Variants in SCHIP1 observed in about 807,000 individuals in gnomAD.
SCHIP1 encodes schwannomin-interacting protein 1.
A neutral mutation model predicts 29.7 loss-of-function variants in SCHIP1; 8 were observed. That is an observed-to-expected ratio of 0.27 (90% CI 0.16 to 0.49). SCHIP1 has a LOEUF of 0.49. SCHIP1 is among the 20% of genes least tolerant of loss of function. The pLI, the probability that SCHIP1 is intolerant of heterozygous loss-of-function variation, is 0.99. For synonymous variants in SCHIP1, 76 were observed against 94.9 expected (o/e 0.80, Z 1.16); for missense variants, 193 against 294.6 (o/e 0.66, Z 2.52).
the SCHIP1 span, among the ~76,000 whole-genome samples, chr3:159,727,372 G>A: frequency 5.9e-5 from 9 of 152,062 alleles, no homozygotes; most frequent in South Asian, 2.1e-4. Context: ...AGTTCCATGA[G>A]TATTATGATT....
At chr3:159,520,535 G>A in the SCHIP1 span, among the ~76,000 whole-genome samples, 1 of 152,162 alleles carries the variant, frequency 6.6e-6, no homozygotes, top group South Asian at 2.1e-4. Flanking sequence ...AATCTATAAA[G>A]TTCTGCCTTC....
the SCHIP1 span, among the ~76,000 whole-genome samples, chr3:159,796,576 T>G: frequency 6.6e-6 from 1 of 152,160 alleles, no homozygotes; most frequent in Non-Finnish European, 1.5e-5. Context: ...GAGAAAGCCA[T>G]CTGCTTAGCT....
chr3:159,771,440 T>C, the SCHIP1 span, among the ~76,000 whole-genome samples: 1 of 152,264 alleles, frequency 6.6e-6, no homozygotes, highest in African/African-American at 2.4e-5. Flanking sequence ...CTATCACTTA[T>C]TCCTGTTAGT....
At chr3:159,590,373 C>T in the SCHIP1 span, among the ~76,000 whole-genome samples, 3 of 152,036 alleles carry the variant, frequency 2.0e-5, no homozygotes, top group East Asian at 1.9e-4. Context: ...GTCAGGAGTT[C>T]GAGACCAGCC....
chr3:159,821,223 T>G, the SCHIP1 span, among the ~76,000 whole-genome samples: 576 of 152,220 alleles, frequency 3.8e-3, 2 homozygotes, highest in African/African-American at 0.013. Context: ...AAAAGCCTGA[T>G]TGGAAAGTGT....
chr3:159,736,246 G>A, the SCHIP1 span, among the ~76,000 whole-genome samples: 2 of 152,200 alleles, frequency 1.3e-5, no homozygotes, highest in African/African-American at 4.8e-5. Flanking sequence ...ACCTGCTACA[G>A]GGGTTAACTG....
At chr3:159,345,457 G>A in the SCHIP1 span, among the ~76,000 whole-genome samples, 2 of 151,988 alleles carry the variant, frequency 1.3e-5, no homozygotes, top group Non-Finnish European at 2.9e-5. Context: ...CATCCTGAAG[G>A]AATTGCCCTA....
the SCHIP1 span, among the ~76,000 whole-genome samples, chr3:159,643,287 T>C: frequency 2.6e-5 from 4 of 152,058 alleles, no homozygotes; most frequent in Non-Finnish European, 5.9e-5. Context: ...ATTTGTTACT[T>C]TGGTGAATTT....
chr3:159,469,405 G>A, the SCHIP1 span, among the ~76,000 whole-genome samples: 50 of 152,244 alleles, frequency 3.3e-4, no homozygotes, highest in East Asian at 4.1e-3. Context: ...AATTCAGAGT[G>A]AAATTGGGAA....
the SCHIP1 span, among the ~76,000 whole-genome samples, chr3:159,452,508 C>T: frequency 2.6e-5 from 4 of 152,146 alleles, no homozygotes; most frequent in East Asian, 7.7e-4. Context: ...GCATAATATT[C>T]CATGGTGTAT....
chr3:159,841,194 C>T (rs949166900), intron 1 of SCHIP1, among the ~76,000 whole-genome samples: 2 of 152,166 alleles, frequency 1.3e-5, no homozygotes, highest in African/African-American at 4.8e-5. Context: ...TAAATATGTG[C>T]AGGCAAAATA....
At chr3:159,690,757 A>G in the SCHIP1 span, among the ~76,000 whole-genome samples, 1 of 152,178 alleles carries the variant, frequency 6.6e-6, no homozygotes, top group East Asian at 1.9e-4. Context: ...CCCTCTAAAC[A>G]CTGCTTTAGA....
chr3:159,424,647 T>C, the SCHIP1 span, among the ~76,000 whole-genome samples: 3 of 152,032 alleles, frequency 2.0e-5, no homozygotes, highest in Admixed American at 2.0e-4. Context: ...ACTTCCCCAA[T>C]CTAGCAAGGC....
the SCHIP1 span, among the ~76,000 whole-genome samples, chr3:159,403,984 T>C: frequency 2.6e-5 from 4 of 152,144 alleles, no homozygotes; most frequent in Admixed American, 2.6e-4. Flanking sequence ...AGGCCTTCAT[T>C]CCAGGTCCTA....
chr3:159,884,354 T>TGC (rs1716754011), intron 2 of SCHIP1, among the ~76,000 whole-genome samples: 1 of 143,982 alleles, frequency 6.9e-6, no homozygotes, highest in Admixed American at 7.0e-5. Flanking sequence ...TGTGTCTGTG[T>TGC]GTGTGTGTGT....
chr3:159,323,782 A>C, the SCHIP1 span, among the ~76,000 whole-genome samples: 1 of 152,218 alleles, frequency 6.6e-6, no homozygotes. Context: ...GGAATCTTTA[A>C]ACTAGAAAAA....
chr3:159,395,544 A>G, the SCHIP1 span, among the ~76,000 whole-genome samples: 9 of 151,908 alleles, frequency 5.9e-5, no homozygotes, highest in African/African-American at 2.2e-4. Flanking sequence ...GGTTTCAAAG[A>G]ACATCTTTAT....
At chr3:159,404,737 C>A in the SCHIP1 span, among the ~76,000 whole-genome samples, 15 of 152,196 alleles carry the variant, frequency 9.9e-5, no homozygotes, top group Non-Finnish European at 2.9e-5. Context: ...AAGATGCAAG[C>A]CTGGCTGGCT....
the SCHIP1 span, among the ~76,000 whole-genome samples, chr3:159,552,552 A>C: frequency 6.6e-6 from 1 of 152,216 alleles, no homozygotes; most frequent in African/African-American, 2.4e-5. Context: ...TTTACAGAAT[A>C]AGGAATTTGA....
Sources: gnomAD v4.1 joint callset for allele counts (sites outside exome capture counted in the v4.1 genomes callset) on GRCh38, gnomAD v4.1.1 for gene constraint, MANE v1.5 for transcripts, NCBI Gene and HGNC (gene_info 2026-07-23, HGNC 2026-07-21) for gene names.